The following DAB2IP variants were observed in gnomAD, a reference collection of about 807,000 sequenced individuals.
DAB2IP encodes DAB2 interacting protein, also known as disabled homolog 2-interacting protein.
Under a neutral mutation model 107.2 loss-of-function variants are expected in DAB2IP, and 28 were observed. The ratio of observed to expected loss-of-function variants is 0.26; its 90% CI spans 0.19 to 0.36. DAB2IP has a LOEUF of 0.36. DAB2IP is among the 10% of genes least tolerant of loss of function. The probability of loss-of-function intolerance (pLI) is 1.00; values close to 1 mark genes in which losing one functional copy is unlikely to be tolerated. For synonymous variants in DAB2IP, 755 were observed against 706.4 expected (o/e 1.07, Z -1.09); for missense variants, 1,400 against 1,644.7 (o/e 0.85, Z 2.57).
chr9:121,708,385 A>T (rs1288516657), intron 3 of DAB2IP, among the ~76,000 whole-genome samples: 1 of 152,130 alleles, frequency 6.6e-6, no homozygotes, highest in Non-Finnish European at 1.5e-5. Flanking sequence ...TTTTGAAATA[A>T]ACCCTCTCCC....
intron 1 of DAB2IP, among the ~76,000 whole-genome samples, chr9:121,594,921 G>A (rs899074248): frequency 2.6e-5 from 4 of 152,160 alleles, no homozygotes; most frequent in African/African-American, 9.7e-5. Flanking sequence ...AGATAGGGAG[G>A]ACAGACATTC....
intron 3 of DAB2IP, among the ~76,000 whole-genome samples, chr9:121,752,482 C>T (rs917668435): frequency 6.6e-6 from 1 of 152,234 alleles, no homozygotes; most frequent in African/African-American, 2.4e-5. Flanking sequence ...TGTGACAGAC[C>T]TTCCCAGCAC....
Position 121,572,343 on chromosome 9 carries a change from C to A in DAB2IP, c.40+5115C>A, listed in dbSNP as rs116601060. 6.8e-3 allele frequency among the ~76,000 whole-genome samples: 1,033 copies of A among 152,212 alleles called. 22 individuals carry two copies. Among genetic ancestry groups the A allele is most frequent in the African/African-American group, 0.024 (991 of 41,456 alleles). On this transcript the variant is annotated intron_variant, in intron 1 of 16. Coordinates refer to the DAB2IP transcript ENST00000259371. ...TGTATCTTGTCTGCCACTGGGTTCCCAGGGTGCTGCACAGCACTGGTCCTG... is the reference window on the plus strand; with the variant it reads ...TGTATCTTGTCTGCCACTGGGTTCCAAGGGTGCTGCACAGCACTGGTCCTG...
exon 16 of DAB2IP, chr9:121,783,871 G>C: frequency 2.4e-6 from 1 of 411,930 alleles, no homozygotes; most frequent in Non-Finnish European, 4.5e-6. Context: ...CTCGGCCCCT[G>C]TCTGTTCCCA....
At chr9:121,581,437 T>G (rs1164281147) in intron 1 of DAB2IP, among the ~76,000 whole-genome samples, 2 of 152,120 alleles carry the variant, frequency 1.3e-5, no homozygotes, top group Non-Finnish European at 2.9e-5. Context: ...GGAGGGGAGC[T>G]AGTCAGACTC....
chr9:121,684,748 C>CTTT lies in DAB2IP; in HGVS notation c.228+5967_228+5968insTTT, dbSNP rs1828778774. Among the ~76,000 whole-genome samples the CTTT allele has an allele frequency of 2.0e-5, 3 of 152,186 alleles. No individual in the cohort carries two copies. Among genetic ancestry groups the CTTT allele is most frequent in the African/African-American group, 7.2e-5 (3 of 41,442 alleles). ...GCTGTTGGGGTGGGGAACAGAAAAG[C>CTTT]CAGCCAGGCTCACAGATCAGACAAG... On this transcript the variant is annotated intron_variant, in intron 2 of 15. Coordinates refer to ENST00000408936, the Ensembl canonical transcript of DAB2IP. This position sits in a 1 kb window ranked among gnomAD's most constrained non-coding sequence, Gnocchi z 4.0.
intron 3 of DAB2IP, among the ~76,000 whole-genome samples, chr9:121,726,701 G>T (rs1303797161): frequency 6.6e-6 from 1 of 152,146 alleles, no homozygotes; most frequent in Non-Finnish European, 1.5e-5. Flanking sequence ...AACCCCTCCC[G>T]CCCCCACCAC....
At chr9:121,621,984 CTTTTTT>C (rs1202929145) in intron 1 of DAB2IP, among the ~76,000 whole-genome samples, 2 of 99,694 alleles carry the variant, frequency 2.0e-5, no homozygotes, top group African/African-American at 4.3e-5. Context: ...TTTTTTCTTT[CTTTTTT>C]TTTTTTTTTT....
At chr9:121,700,103 G>A (rs1829688609) in intron 3 of DAB2IP, among the ~76,000 whole-genome samples, 1 of 152,216 alleles carries the variant, frequency 6.6e-6, no homozygotes, top group Non-Finnish European at 1.5e-5. Context: ...AGCCTAGGCA[G>A]CTGCTTCTCT....
At chr9:121,749,012 G>A (rs530004778) in intron 3 of DAB2IP, among the ~76,000 whole-genome samples, 1 of 152,326 alleles carries the variant, frequency 6.6e-6, no homozygotes, top group East Asian at 1.9e-4. Flanking sequence ...GAGGGACCAC[G>A]CCTCTGGGCC....
chr9:121,576,759 G>A (rs764266051), intron 1 of DAB2IP, among the ~76,000 whole-genome samples: 2 of 152,160 alleles, frequency 1.3e-5, no homozygotes, highest in African/African-American at 2.4e-5. Flanking sequence ...GATTCTGGGG[G>A]GGGAGGGGAA....
chr9:121,780,106 G>C (rs563811606), intron 14 of DAB2IP, among the ~76,000 whole-genome samples: 3 of 152,296 alleles, frequency 2.0e-5, no homozygotes, highest in South Asian at 4.1e-4. Context: ...GGCTGGTCTT[G>C]AACTCCTAGT....
rs998307735 is a variant in DAB2IP at position 121,699,609 on chromosome 9, C to A, written c.362+151C>A. 1.5e-6 allele frequency: 1 copy of A among 647,042 alleles called. No individual in the cohort carries two copies. The allele number at this position is 647,042 out of a possible 1,614,324, so 40.1% of individuals were successfully genotyped here. On this transcript the variant is annotated intron_variant, in intron 3 of 15. Coordinates refer to ENST00000408936, the Ensembl canonical transcript of DAB2IP. The surrounding 1 kb of genome is among the most constrained non-coding windows in gnomAD (Gnocchi z 6.2). ...CCGCCGGGAACTTATGGGGCCACCT[C>A]GGCCGGACTAGGGGGCCCGAGGGGA...
At chr9:121,771,330 T>G (rs1834712129) in intron 11 of DAB2IP, among the ~76,000 whole-genome samples, 1 of 152,136 alleles carries the variant, frequency 6.6e-6, no homozygotes, top group East Asian at 1.9e-4. Flanking sequence ...TGTTGAAGCA[T>G]TTCTGCTCTA....
chr9:121,657,064 C>T (rs182875960), intron 1 of DAB2IP, among the ~76,000 whole-genome samples: 1 of 152,354 alleles, frequency 6.6e-6, no homozygotes, highest in Non-Finnish European at 1.5e-5. Context: ...ATCTGGTTGC[C>T]TCCTCCACCT....
At chr9:121,696,965 C>T (rs1829460583) in intron 2 of DAB2IP, among the ~76,000 whole-genome samples, 1 of 152,206 alleles carries the variant, frequency 6.6e-6, no homozygotes, top group Non-Finnish European at 1.5e-5. Context: ...TCATGGCTAT[C>T]TTGGCCACTG....
At chr9:121,644,645 A>G (rs1209348978) in intron 1 of DAB2IP, among the ~76,000 whole-genome samples, 1 of 152,206 alleles carries the variant, frequency 6.6e-6, no homozygotes, top group Non-Finnish European at 1.5e-5. Context: ...AGAAAAGAAA[A>G]GAAAAAGAAA....
chr9:121,733,456 C>T (rs1432729324), intron 3 of DAB2IP, among the ~76,000 whole-genome samples: 4 of 152,210 alleles, frequency 2.6e-5, no homozygotes, highest in African/African-American at 9.6e-5. Context: ...GAGCCTAGCC[C>T]AGTTGCTGAG....
chr9:121,783,723 G>A (rs961244068), exon 16 of DAB2IP: 4 of 863,948 alleles, frequency 4.6e-6, no homozygotes, highest in Admixed American at 4.2e-5. Flanking sequence ...CCCGGCCCCC[G>A]GCCAAGGACC....
Sources: gnomAD v4.1 joint callset for allele counts (sites outside exome capture counted in the v4.1 genomes callset) on GRCh38, gnomAD v4.1.1 for gene constraint, Gnocchi (gnomAD v3.1) non-coding constraint, MANE v1.5 for transcripts, NCBI Gene and HGNC (gene_info 2026-07-23, HGNC 2026-07-21) for gene names.